The following NHSL1 variants were observed in gnomAD, a reference collection of about 807,000 sequenced individuals.
NHSL1 encodes NHS like 1.
In NHSL1, 48 loss-of-function variants were observed where a neutral mutation model predicts 95.0. That is an observed-to-expected ratio of 0.51 (90% CI 0.40 to 0.64). The LOEUF is 0.64. NHSL1 is among the 30% of genes least tolerant of loss of function. The pLI is 0.00. For synonymous variants in NHSL1, 783 were observed against 833.9 expected, an observed-to-expected ratio of 0.94 and a Z score of 1.05; for missense variants, 1,971 against 2,077.7, an observed-to-expected ratio of 0.95 and a Z score of 1.00.
At chr6:138,532,460 C>T (rs1348514611) in intron 1 of NHSL1, among the ~76,000 whole-genome samples, 8 of 152,038 alleles carry the variant, frequency 5.3e-5, no homozygotes, top group Admixed American at 5.2e-4. Flanking sequence ...CTAATAAAGG[C>T]ATGAGATGCT....
intron 1 of NHSL1, among the ~76,000 whole-genome samples, chr6:138,615,595 T>C (rs1039373741): frequency 6.6e-6 from 1 of 152,186 alleles, no homozygotes; most frequent in Admixed American, 6.5e-5. Context: ...CTCAGCCTCC[T>C]GAGTAGCTAG....
intron 1 of NHSL1, among the ~76,000 whole-genome samples, chr6:138,671,121 C>G (rs1785362369): frequency 1.3e-5 from 2 of 152,140 alleles, no homozygotes; most frequent in African/African-American, 4.8e-5. Flanking sequence ...CGCCACTACA[C>G]TCCAGCCTGA....
intron 3 of NHSL1, among the ~76,000 whole-genome samples, chr6:138,450,202 A>G (rs1219386210): frequency 6.6e-6 from 1 of 152,180 alleles, no homozygotes; most frequent in Non-Finnish European, 1.5e-5. Flanking sequence ...GCACACACAC[A>G]CACACACACT....
intron 1 of NHSL1, among the ~76,000 whole-genome samples, chr6:138,527,444 G>A (rs1257390435): frequency 1.8e-4 from 28 of 151,952 alleles, no homozygotes; most frequent in Admixed American, 1.8e-3. Context: ...GAGTAATAAG[G>A]CTTATGAGGC....
intron 1 of NHSL1, among the ~76,000 whole-genome samples, chr6:138,535,316 C>T (rs1329167183): frequency 6.6e-6 from 1 of 152,028 alleles, no homozygotes; most frequent in East Asian, 1.9e-4. Flanking sequence ...ATAATTCCAG[C>T]ACTATGGGAG....
chr6:138,441,614 G>A (rs538130250), intron 5 of NHSL1, among the ~76,000 whole-genome samples: 9 of 152,254 alleles, frequency 5.9e-5, no homozygotes, highest in South Asian at 2.1e-4. Flanking sequence ...ATAATCTGAC[G>A]TCCTAGAATG....
intron 1 of NHSL1, among the ~76,000 whole-genome samples, chr6:138,630,218 C>T (rs1438193928): frequency 6.6e-6 from 1 of 150,558 alleles, no homozygotes; most frequent in Admixed American, 6.6e-5. Context: ...CCGCCCACTC[C>T]CACCAAAAAA....
At chr6:138,575,730 T>C (rs1381381994), upstream of NHSL1, among the ~76,000 whole-genome samples, 1 of 152,198 alleles carries the variant, frequency 6.6e-6, no homozygotes, top group Non-Finnish European at 1.5e-5. Flanking sequence ...ATATATACTC[T>C]AATTAGCTTA....
At chr6:138,555,499 A>C (rs945517428) in intron 1 of NHSL1, among the ~76,000 whole-genome samples, 2 of 152,184 alleles carry the variant, frequency 1.3e-5, no homozygotes, top group African/African-American at 4.8e-5. Flanking sequence ...TAGGGACTTC[A>C]GTTCCTAACA....
chr6:138,534,888 A>T (rs4507611), intron 1 of NHSL1, among the ~76,000 whole-genome samples: 11,010 of 152,214 alleles, frequency 0.072, 542 homozygotes, highest in African/African-American at 0.13. Flanking sequence ...TTCGGCAGGG[A>T]AACCTTTTCC....
chr6:138,521,957 A>T (rs1236933571), intron 1 of NHSL1, among the ~76,000 whole-genome samples: 1 of 152,214 alleles, frequency 6.6e-6, no homozygotes, highest in Non-Finnish European at 1.5e-5. Context: ...GCCTTGGAGG[A>T]GGCCCAGAAG....
intron 1 of NHSL1, among the ~76,000 whole-genome samples, chr6:138,649,913 C>A (rs919379284): frequency 6.6e-6 from 1 of 152,090 alleles, no homozygotes; most frequent in South Asian, 2.1e-4. Context: ...TGGGCCCCCA[C>A]GAGCCATTCT....
chr6:138,458,177 C>T (rs1002223486), intron 3 of NHSL1, among the ~76,000 whole-genome samples: 1 of 152,072 alleles, frequency 6.6e-6, no homozygotes, highest in African/African-American at 2.4e-5. Context: ...CTACTAAATC[C>T]CATGAAGATT....
intron 1 of NHSL1, among the ~76,000 whole-genome samples, chr6:138,564,932 C>G (rs1020775981): frequency 1.2e-4 from 19 of 152,090 alleles, no homozygotes; most frequent in African/African-American, 3.4e-4. Flanking sequence ...TAAGAGGGAA[C>G]GGGAGGTGCC....
At chr6:138,547,910 T>C (rs1583394488), upstream of NHSL1, among the ~76,000 whole-genome samples, 1 of 152,354 alleles carries the variant, frequency 6.6e-6, no homozygotes, top group South Asian at 2.1e-4. Flanking sequence ...GAGGTATTCC[T>C]GAAAATATTT....
chr6:138,424,093 G>A lies in NHSL1; in HGVS notation c.4809C>T (p.Ser1603=), dbSNP rs995327974. Residue 1603 remains serine (S), a synonymous_variant, in exon 8 of 8, where the codon AGC becomes AGT. Coordinates refer to ENST00000343505, the MANE Select transcript of NHSL1 (RefSeq NM_001144060.2). This position sits in a 1 kb window ranked among gnomAD's most constrained non-coding sequence, Gnocchi z 5.9. ...TACGTTCTTGGCCCTAACTCTCCTC[G>A]CTCAGAGAACCGCCACACTGTGGGG... ...EPSPQCGGSL[S]EES 2.6e-5 allele frequency: 36 copies of A among 1,384,088 alleles called. No individual in the cohort carries two copies. Among genetic ancestry groups the A allele is most frequent in the Non-Finnish European group, 3.1e-5 (33 of 1,070,136 alleles). 85.7% of individuals were successfully genotyped at this position (1,384,088 alleles called of 1,614,324 possible).
intron 3 of NHSL1, among the ~76,000 whole-genome samples, chr6:138,454,190 C>CGCGCGT (rs144366744): frequency 2.4e-4 from 36 of 151,264 alleles, no homozygotes; most frequent in African/African-American, 7.5e-4. Flanking sequence ...TATATGTGTG[C>CGCGCGT]GTGTGTGTGT....
chr6:138,649,002 A>G (rs551579002), intron 1 of NHSL1, among the ~76,000 whole-genome samples: 1 of 152,292 alleles, frequency 6.6e-6, no homozygotes, highest in Non-Finnish European at 1.5e-5. Context: ...TAAAATTAAG[A>G]AGGAGGTGTA....
In NHSL1 at chr6:138,431,995, T is replaced by C. The variant is rs556710477; in HGVS notation, c.2350A>G (p.Ile784Val). 1.5e-5 allele frequency: 23 copies of C among 1,551,708 alleles called. No individual in the cohort carries two copies. The highest frequency in any genetic ancestry group is 6.8e-5 in the African/African-American group (5 of 73,184). ...TCTTCCTGCATGCCCGTGTAGTCAA[T>C]GTAATAACCCCAGGGGTCCGTGTAC... is the stretch of plus-strand genomic sequence containing the variant. ...SEYTDPWGYY[I>V]DYTGMQEDPG... The change falls in exon 6 of 8, where the codon ATT becomes GTT. Residue 784 changes from isoleucine to valine, a missense_variant. Around this residue, in one of 3 missense-constraint regions of NHSL1, gnomAD observed 1,602 missense variants for 1,654.5 expected, o/e 0.97. Transcript: ENST00000343505. The surrounding 1 kb of genome is among the most constrained non-coding windows in gnomAD (Gnocchi z 4.0).
Sources: allele counts gnomAD v4.1 joint callset (sites outside exome capture counted in the v4.1 genomes callset), GRCh38; gene constraint gnomAD v4.1.1; regional missense constraint gnomAD v4.1.1; non-coding constraint Gnocchi (gnomAD v3.1); transcripts MANE v1.5; gene names NCBI Gene and HGNC (gene_info 2026-07-23, HGNC 2026-07-21).